Variants in BCL6B observed in about 807,000 individuals in gnomAD.
BCL6B encodes the protein BCL6B transcription repressor, also known as B-cell CLL/lymphoma 6 member B protein.
In BCL6B, 28 loss-of-function variants were observed where a neutral mutation model predicts 44.6. That is an observed-to-expected ratio of 0.63 (90% confidence interval 0.47 to 0.86). BCL6B has a LOEUF of 0.86. BCL6B is among the 40% of genes least tolerant of loss of function. The probability of loss-of-function intolerance (pLI) is 0.00; values close to 1 mark genes in which losing one functional copy is unlikely to be tolerated. For missense variants in BCL6B, 626 were observed against 652.3 expected, an observed-to-expected ratio of 0.96 and a Z score of 0.44; for synonymous variants, 268 against 263.6, an observed-to-expected ratio of 1.02 and a Z score of -0.16.
intron 5 of BCL6B, 127 bp from the exon 6 acceptor site, chr17:7,026,330 C>T (rs1208611102): frequency 7.8e-7 from 1 of 1,285,340 alleles, no homozygotes; most frequent in African/African-American, 1.5e-5. Context: ...CAAGTCAAAC[C>T]AGCCCCAGAA....
rs199558467 is a variant in BCL6B at position 7,026,470 on chromosome 17, C to A, written c.903C>A (p.Phe301Leu). ...RARPLPGSEF[F>L]SCQNCEAVAG... ...TCCCCTTCCCAGGAAGTGAATTTTT[C>A]AGCTGCCAGAACTGTGAGGCTGTGG... Residue 301 changes from phenylalanine to leucine, a missense_variant, in exon 6 of 9, where the codon TTC becomes TTA. By Grantham distance (22) the Phe-to-Leu change is conservative. Coordinates refer to ENST00000293805, the MANE Select transcript of BCL6B (RefSeq NM_181844.4). 5.5e-4 allele frequency: 890 copies of A among 1,613,682 alleles called. 1 individual carries two copies. Among genetic ancestry groups the A allele is most frequent in the Non-Finnish European group, 7.1e-4 (836 of 1,179,762 alleles).
rs1910342235 is a variant in BCL6B, at chr17:7,027,807, G to A, written c.*188G>A. On this transcript the variant is annotated 3_prime_UTR_variant, in exon 9 of 9. Transcript: ENST00000293805. ...TCCTGGCTAGATCTGCCTCTGTTTTGCTGGTCAAAACCTCTTCCCCACAAG... is the reference window on the plus strand; with the variant it reads ...TCCTGGCTAGATCTGCCTCTGTTTTACTGGTCAAAACCTCTTCCCCACAAG... 2 of 1,430,346 alleles carry A rather than the reference G, an allele frequency of 1.4e-6. No homozygotes were observed. The highest frequency in any genetic ancestry group is 1.8e-6 in the Non-Finnish European group (2 of 1,096,664). 88.6% of individuals were successfully genotyped at this position (1,430,346 alleles called of 1,614,324 possible). A position where few individuals can be genotyped will look rare whatever the true frequency, so the allele number is the denominator to read the frequency against.
intron 1 of BCL6B, 54 bp from the exon 2 acceptor site, chr17:7,023,606 G>T: frequency 6.6e-7 from 1 of 1,509,656 alleles, no homozygotes. Flanking sequence ...AAACAGAGGA[G>T]GGAAGGCGTC....
chr17:7,024,496 G>A lies in BCL6B; in HGVS notation c.497G>A (p.Gly166Glu), dbSNP rs1567728506. The A allele has an allele frequency of 6.2e-7, 1 of 1,613,798 alleles. No individual in the cohort carries two copies. The change falls in exon 4 of 9, where the codon GGA becomes GAA. Residue 166 changes from glycine (G) to glutamate (E), a missense_variant. By Grantham distance (98) the Gly-to-Glu change is moderately conservative. Coordinates refer to ENST00000293805, the MANE Select transcript of BCL6B (RefSeq NM_181844.4). The surrounding 1 kb of genome is among the most constrained non-coding windows in gnomAD (Gnocchi z 6.6). ...PPPGSPRRSE[G>E]HPDPPTESRS... is the part of the protein sequence containing the mutation. Reference sequence around the variant, plus strand: ...CCAGGTAGTCCCAGGCGCTCCGAAGGACACCCAGACCCACCTACTGAATCT... The same window carrying A: ...CCAGGTAGTCCCAGGCGCTCCGAAGAACACCCAGACCCACCTACTGAATCT...
Position 7,024,135 on chromosome 17 carries a change from C to T in BCL6B, c.232C>T (p.Leu78Phe). Residue 78 changes from leucine to phenylalanine, a missense_variant, in exon 3 of 9, where the codon CTC becomes TTC. Coordinates refer to ENST00000293805, the MANE Select transcript of BCL6B (RefSeq NM_181844.4). This position sits in a 1 kb window ranked among gnomAD's most constrained non-coding sequence, Gnocchi z 6.6. ...CCGTGCGGGAGTCGGGGTGGACGTG[C>T]TCTCTCTGCCCGGGGGTCCCGAAGC... ...RGRAGVGVDV[L>F]SLPGGPEARG... 10 of 1,614,038 alleles carry T rather than the reference C, an allele frequency of 6.2e-6. No individual in the cohort carries two copies. Among genetic ancestry groups the T allele is most frequent in the Non-Finnish European group, 5.9e-6 (7 of 1,180,030 alleles).
At position 7,024,340 on chromosome 17, in the gene BCL6B, G is replaced by A; in HGVS notation, c.401+36G>A. On this transcript the variant is annotated intron_variant, in intron 3 of 8. Coordinates refer to ENST00000293805, the MANE Select transcript of BCL6B (RefSeq NM_181844.4). The surrounding 1 kb of genome is among the most constrained non-coding windows in gnomAD (Gnocchi z 6.6). ...CTGGCTCGGCGTTCTCTGTGGGTGAGGTGTTAAGGGCAAAGGCAGAGTTTA... is the reference window on the plus strand; with the variant it reads ...CTGGCTCGGCGTTCTCTGTGGGTGAAGTGTTAAGGGCAAAGGCAGAGTTTA... The A allele has an allele frequency of 6.2e-7, 1 of 1,613,612 alleles. No individual in the cohort carries two copies. Among genetic ancestry groups the A allele is most frequent in the Non-Finnish European group, 8.5e-7 (1 of 1,179,830 alleles).
chr17:7,023,255 A>C, intron 1 of BCL6B, 156 bp downstream of exon 1: 3 of 187,988 alleles, frequency 1.6e-5, no homozygotes, highest in Non-Finnish European at 2.2e-5. Context: ...AGTTCGGGGA[A>C]GGGAGCCTCG....
chr17:7,027,605 C>A lies in BCL6B; in HGVS notation c.1426C>A (p.Leu476Ile). The change falls in exon 9 of 9, where the codon CTC (leucine) becomes ATC (isoleucine). Residue 476 changes from leucine to isoleucine, a missense_variant. Physicochemically the swap from Leu to Ile is conservative, Grantham distance 5 (BLOSUM62 2). Coordinates refer to ENST00000293805, the MANE Select transcript of BCL6B (RefSeq NM_181844.4). ...CAACACCAAAGTGCACTACCACATT[C>A]TCGGGGGGCCCTAGCTGAGCGCAGG... is the stretch of plus-strand genomic sequence containing the variant. Reference protein sequence around the residue: ...ATNTKVHYHILGGP With the variant: ...ATNTKVHYHIIGGP 3 of 1,613,450 alleles carry A rather than the reference C, an allele frequency of 1.9e-6. No individual in the cohort carries two copies. Among genetic ancestry groups the A allele is most frequent in the Non-Finnish European group, 2.5e-6 (3 of 1,180,014 alleles).
Position 7,028,820 on chromosome 17 carries a change from T to G in BCL6B, c.*1201T>G, listed in dbSNP as rs182907253. On this transcript the variant is annotated 3_prime_UTR_variant, in exon 9 of 9. Coordinates refer to ENST00000293805, the MANE Select transcript of BCL6B (RefSeq NM_181844.4). ...TAACCCATCCTTTACTACAGAGGCA[T>G]ATGGGTTTGAATGTTACCTGGGGTT... The G allele has an allele frequency of 6.1e-6, 6 of 985,316 alleles. No individual in the cohort carries two copies. Among genetic ancestry groups the G allele is most frequent in the Non-Finnish European group, 7.2e-6 (6 of 829,918 alleles). 61.0% of individuals were successfully genotyped at this position (985,316 alleles called of 1,614,324 possible). A position where few individuals can be genotyped will look rare whatever the true frequency, so the allele number is the denominator to read the frequency against.
In BCL6B at chr17:7,024,536, A is replaced by G. The variant is rs756373842; in HGVS notation, c.537A>G (p.Gln179=). 6.2e-7 allele frequency: 1 copy of G among 1,614,006 alleles called. No homozygotes were observed. Among genetic ancestry groups the G allele is most frequent in the Non-Finnish European group, 8.5e-7 (1 of 1,180,002 alleles). The change falls in exon 4 of 9, where the codon CAA becomes CAG. Residue 179 remains glutamine (Q), a synonymous_variant. Transcript: ENST00000293805. This position sits in a 1 kb window ranked among gnomAD's most constrained non-coding sequence, Gnocchi z 6.6. ...DPPTESRSCS[Q]GPPSPASPDP... ...CTACTGAATCTCGAAGCTGCAGTCA[A>G]GGCCCCCCCAGTCCAGCCAGCCCTG...
In BCL6B at chr17:7,026,737, G is replaced by T; in HGVS notation, c.1087G>T (p.Ala363Ser). The part of the protein sequence containing the change: ...EKPYHCSICG[A>S]RFNRPANLKT... ...GCCTTACCACTGCTCAATCTGCGGA[G>T]CCCGTTTTAACCGGCCAGCAAACCT... Residue 363 changes from alanine to serine, a missense_variant, in exon 7 of 9, where the codon GCC becomes TCC. Physicochemically the swap from Ala to Ser is moderately conservative, Grantham distance 99. Coordinates refer to ENST00000293805, the MANE Select transcript of BCL6B (RefSeq NM_181844.4). 1 of 1,614,232 alleles carries T rather than the reference G, an allele frequency of 6.2e-7. No individual in the cohort carries two copies. Among genetic ancestry groups the T allele is most frequent in the Non-Finnish European group, 8.5e-7 (1 of 1,180,046 alleles).
chr17:7,027,446 A>T lies in BCL6B; in HGVS notation c.1324-57A>T. On this transcript the variant is annotated intron_variant, in intron 8 of 8. Transcript: ENST00000293805. ...GGAGAGCTGGACGGCCGCCCGGCTCAACACCTAAAAGGTGATTGTGGATGG... is the reference window on the plus strand; with the variant it reads ...GGAGAGCTGGACGGCCGCCCGGCTCTACACCTAAAAGGTGATTGTGGATGG... 1.9e-6 allele frequency: 3 copies of T among 1,600,466 alleles called. No homozygotes were observed. The Admixed American group carries it at 5.0e-5, about 27-fold the overall frequency.
chr17:7,023,600 AGAG>A, intron 1 of BCL6B, 57 bp from the exon 2 acceptor site: 11 of 1,487,662 alleles, frequency 7.4e-6, no homozygotes, highest in Non-Finnish European at 9.9e-6. Context: ...AAAGGCAAAC[AGAG>A]GAGGGAAGGC....
chr17:7,028,986 G>A lies in BCL6B; in HGVS notation c.*1367G>A, dbSNP rs1188910508. The stretch of plus-strand genomic sequence containing the variant: ...CTTTTAAAAGCTGGGTCTGTGACCT[G>A]GTCTTCCCATCCCTGCATTCCTGTC... On this transcript the variant is annotated 3_prime_UTR_variant, in exon 9 of 9. Transcript: ENST00000293805. The A allele has an allele frequency of 5.1e-6, 5 of 985,298 alleles. No individual in the cohort carries two copies. In the East Asian group the frequency reaches 3.4e-4, roughly 67 times the overall value. The allele number at this position is 985,298 out of a possible 1,614,324, so 61.0% of individuals were successfully genotyped here. A position where few individuals can be genotyped will look rare whatever the true frequency, so the allele number is the denominator to read the frequency against.
At position 7,024,546 on chromosome 17, in the gene BCL6B, A is replaced by C; in HGVS notation, c.547A>C (p.Ser183Arg). Reference protein sequence around the residue: ...ESRSCSQGPPSPASPDPKACN... With the variant: ...ESRSCSQGPPRPASPDPKACN... ...TCGAAGCTGCAGTCAAGGCCCCCCC[A>C]GTCCAGCCAGCCCTGACCCCAAGGC... The change falls in exon 4 of 9, where the codon AGT becomes CGT. Residue 183 changes from serine to arginine, a missense_variant. Physicochemically the swap from Ser to Arg is moderately radical, Grantham distance 110. Coordinates refer to ENST00000293805, the MANE Select transcript of BCL6B (RefSeq NM_181844.4). The surrounding 1 kb of genome is among the most constrained non-coding windows in gnomAD (Gnocchi z 6.6). The C allele has an allele frequency of 6.2e-7, 1 of 1,612,710 alleles. No individual in the cohort carries two copies. The highest frequency in any genetic ancestry group is 8.5e-7 in the Non-Finnish European group (1 of 1,179,854).
In BCL6B at chr17:7,024,092, C is replaced by A; in HGVS notation, c.189C>A (p.Phe63Leu). The change falls in exon 3 of 9, where the codon TTC (phenylalanine) becomes TTA (leucine). Residue 63 changes from phenylalanine (F) to leucine (L), a missense_variant. Physicochemically the swap from Phe to Leu is conservative, Grantham distance 22 (BLOSUM62 0). Transcript: ENST00000293805. The surrounding 1 kb of genome is among the most constrained non-coding windows in gnomAD (Gnocchi z 6.6). Reference sequence around the variant, plus strand: ...TCTGCTCTCTCTCTAGTGGCTTCTTCTATTCAATTTTCCGGGGCCGTGCGG... The same window carrying A: ...TCTGCTCTCTCTCTAGTGGCTTCTTATATTCAATTTTCCGGGGCCGTGCGG... Reference protein sequence around the residue: ...KAVLIACSGFFYSIFRGRAGV... With the variant: ...KAVLIACSGFLYSIFRGRAGV... 1 of 1,613,958 alleles carries A rather than the reference C, an allele frequency of 6.2e-7. No homozygotes were observed. Among genetic ancestry groups the A allele is most frequent in the East Asian group, 2.2e-5 (1 of 44,872 alleles).
chr17:7,023,985 G>T (rs1359845772), intron 2 of BCL6B, 98 bp from the exon 3 acceptor site: 1 of 1,523,818 alleles, frequency 6.6e-7, no homozygotes, highest in African/African-American at 1.4e-5. Flanking sequence ...GGGTGATAGT[G>T]AGGAGGCGGG....
Position 7,023,778 on chromosome 17 carries a change from T to A in BCL6B, c.107T>A (p.Ile36Asn), listed in dbSNP as rs1195686028. 3 of 1,611,050 alleles carry A rather than the reference T, an allele frequency of 1.9e-6. No individual in the cohort carries two copies. Among genetic ancestry groups the A allele is most frequent in the Non-Finnish European group, 2.5e-6 (3 of 1,178,940 alleles). Residue 36 changes from isoleucine to asparagine, a missense_variant, in exon 2 of 9, where the codon ATC becomes AAC. Transcript: ENST00000293805. ...CTCAACGAGCTGCGCCTGCGCGGGA[T>A]CCTCACTGACGTCACGCTGCTGGTT... ...GNLNELRLRGILTDVTLLVGG... is the reference protein window; with the variant it reads ...GNLNELRLRGNLTDVTLLVGG...
intron 4 of BCL6B, 41 bp from the exon 5 acceptor site, chr17:7,025,035 C>T: frequency 6.2e-7 from 1 of 1,607,028 alleles, no homozygotes; most frequent in East Asian, 2.2e-5. Context: ...CACCCCTCAA[C>T]CGTACAATCT....
Sources: gnomAD v4.1 joint callset for allele counts on GRCh38, gnomAD v4.1.1 for gene constraint, Gnocchi (gnomAD v3.1) non-coding constraint, MANE v1.5 for transcripts, NCBI Gene and HGNC (gene_info 2026-07-23, HGNC 2026-07-21) for gene names.